Variants in THEMIS observed in about 807,000 individuals in gnomAD.
The protein encoded by THEMIS is thymocyte selection associated.
Under a neutral mutation model 52.6 loss-of-function variants are expected in THEMIS, and 37 were observed. The ratio of observed to expected loss-of-function variants is 0.70; its 90% CI spans 0.54 to 0.93. The LOEUF is 0.93. Among genes scored for constraint, THEMIS ranks in the 40% least tolerant of loss-of-function variants. The pLI is 0.00. For missense variants in THEMIS, 808 were observed against 763.1 expected (o/e 1.06, Z -0.69); for synonymous variants, 292 against 272.7 (o/e 1.07, Z -0.70).
chr6:127,778,016 A>G (rs748154979), intron 4 of THEMIS, among the ~76,000 whole-genome samples: 10 of 152,158 alleles, frequency 6.6e-5, no homozygotes, highest in Admixed American at 2.0e-4. Context: ...ACATTGACAA[A>G]TGTACAAATG....
At chr6:127,846,831 AC>A (rs1296328231) in intron 2 of THEMIS, among the ~76,000 whole-genome samples, 1 of 151,692 alleles carries the variant, frequency 6.6e-6, no homozygotes, top group Non-Finnish European at 1.5e-5. Context: ...AAAGGCCTTA[AC>A]AAAAAAAAAG....
chr6:127,742,457 T>A lies in THEMIS; in HGVS notation c.1759-22634A>T, dbSNP rs181606746. Among the ~76,000 whole-genome samples, 3 of 152,244 alleles carry A rather than the reference T, an allele frequency of 2.0e-5. 1 individual carries two copies. Among genetic ancestry groups the A allele is most frequent in the East Asian group, 3.9e-4 (2 of 5,190 alleles). On this transcript the variant is annotated intron_variant, in intron 4 of 5. Transcript: ENST00000368248. ...ACCTAAAAGCAGAGACTCTAACAGA[T>A]ATTTGTAACTAATGTTCACAGTAGT...
rs766682535 is a variant in THEMIS, at chr6:127,813,423, T to G, written c.1218A>C (p.Lys406Asn). The stretch of plus-strand genomic sequence containing the variant: ...TTTCACAGGCCAGAACATTCACCAC[T>G]TTTTTTATTCCCTCACAGAGGACTT... ...TTEVLCEGIK[K>N]VVNVLACEKI... is the part of the protein sequence containing the mutation. The change falls in exon 4 of 6, where the codon AAA becomes AAC. Residue 406 changes from lysine to asparagine, a missense_variant. Lys to Asn is a moderately conservative substitution (Grantham distance 94). Coordinates refer to ENST00000368248, the MANE Select transcript of THEMIS (RefSeq NM_001010923.3). The G allele has an allele frequency of 6.2e-7, 1 of 1,613,758 alleles. No homozygotes were observed. The highest frequency in any genetic ancestry group is 1.3e-5 in the African/African-American group (1 of 74,990).
At chr6:127,699,462 T>C in the THEMIS span, among the ~76,000 whole-genome samples, 1 of 149,650 alleles carries the variant, frequency 6.7e-6, no homozygotes, top group Non-Finnish European at 1.5e-5. Context: ...ACATTGTACA[T>C]ACTAGATGAT....
At chr6:127,907,193 G>A (rs1470425312) in intron 1 of THEMIS, among the ~76,000 whole-genome samples, 2 of 151,794 alleles carry the variant, frequency 1.3e-5, no homozygotes, top group African/African-American at 4.8e-5. Flanking sequence ...GAAAAAATTA[G>A]GCTTATAGGA....
At chr6:127,793,699 C>G (rs1030796386) in intron 4 of THEMIS, among the ~76,000 whole-genome samples, 1 of 152,134 alleles carries the variant, frequency 6.6e-6, no homozygotes, top group Admixed American at 6.5e-5. Context: ...AGGAACTCAA[C>G]TGAATTTTTT....
At chr6:127,698,378 C>T in the THEMIS span, among the ~76,000 whole-genome samples, 2 of 152,044 alleles carry the variant, frequency 1.3e-5, no homozygotes, top group Non-Finnish European at 2.9e-5. Flanking sequence ...GAATGTTGGT[C>T]CATACAGCTG....
chr6:127,900,280 T>C (rs1030199322), intron 1 of THEMIS, among the ~76,000 whole-genome samples: 2 of 151,968 alleles, frequency 1.3e-5, no homozygotes, highest in Non-Finnish European at 2.9e-5. Flanking sequence ...AGTTTCAACA[T>C]CAATTTTTAA....
intron 2 of THEMIS, among the ~76,000 whole-genome samples, chr6:127,833,082 C>T (rs1020320197): frequency 6.6e-6 from 1 of 151,700 alleles, no homozygotes; most frequent in East Asian, 1.9e-4. Context: ...TCACACCTGG[C>T]CTGTTAGTTC....
At chr6:127,818,372 T>C (rs978963075) in intron 3 of THEMIS, among the ~76,000 whole-genome samples, 1 of 152,024 alleles carries the variant, frequency 6.6e-6, no homozygotes, top group Non-Finnish European at 1.5e-5. Flanking sequence ...ACTCAAAGAA[T>C]GGCATTTAAG....
chr6:127,772,058 C>T lies in THEMIS; in HGVS notation c.1758+40825G>A, dbSNP rs541378993. On this transcript the variant is annotated intron_variant, in intron 4 of 5. Transcript: ENST00000368248. ...TCAGTATATTTAAATCTGTCTCTGC[C>T]GCATTCTTCTAAAATGCTTTATAGT... Among the ~76,000 whole-genome samples, 167 of 152,044 alleles carry T rather than the reference C, an allele frequency of 1.1e-3. 5 individuals are homozygous for T. In the South Asian group the frequency reaches 0.033, roughly 30 times the overall value.
At chr6:127,711,528 G>T (rs1014592221) in intron 5 of THEMIS, among the ~76,000 whole-genome samples, 2 of 151,894 alleles carry the variant, frequency 1.3e-5, no homozygotes, top group Admixed American at 6.6e-5. Flanking sequence ...ATGGTGAAGA[G>T]AACCTGGATT....
chr6:127,886,551 C>A (rs1780650665), intron 1 of THEMIS, among the ~76,000 whole-genome samples: 1 of 152,066 alleles, frequency 6.6e-6, no homozygotes, highest in Non-Finnish European at 1.5e-5. Flanking sequence ...ACTTGGGGTC[C>A]TGGACCACAC....
chr6:127,898,315 C>G (rs1781034070), intron 1 of THEMIS, among the ~76,000 whole-genome samples: 3 of 151,494 alleles, frequency 2.0e-5, no homozygotes, highest in Admixed American at 2.0e-4. Context: ...ACACTACATT[C>G]TTTCTTAAAA....
At chr6:127,842,985 G>C (rs1233617775) in intron 2 of THEMIS, among the ~76,000 whole-genome samples, 1 of 151,940 alleles carries the variant, frequency 6.6e-6, no homozygotes, top group Admixed American at 6.6e-5. Flanking sequence ...CTACTTAAGA[G>C]TTTCCTGACA....
At chr6:127,894,256 G>A (rs919193636) in intron 1 of THEMIS, among the ~76,000 whole-genome samples, 1 of 151,928 alleles carries the variant, frequency 6.6e-6, no homozygotes, top group African/African-American at 2.4e-5. Flanking sequence ...CACACAGGAA[G>A]CATTTCCAAA....
At chr6:127,917,303 T>A (rs1781547027) in intron 1 of THEMIS, among the ~76,000 whole-genome samples, 1 of 152,204 alleles carries the variant, frequency 6.6e-6, no homozygotes, top group East Asian at 1.9e-4. Flanking sequence ...AGGCAATAGA[T>A]GCTTCTAGTA....
At chr6:127,741,774 T>C (rs1490022047) in intron 4 of THEMIS, among the ~76,000 whole-genome samples, 1 of 152,194 alleles carries the variant, frequency 6.6e-6, no homozygotes, top group Non-Finnish European at 1.5e-5. Context: ...GGGTCAAGGT[T>C]ACATGAGGCT....
chr6:127,894,203 A>G (rs911886687), intron 1 of THEMIS, among the ~76,000 whole-genome samples: 6 of 152,114 alleles, frequency 3.9e-5, no homozygotes, highest in Non-Finnish European at 7.4e-5. Flanking sequence ...TTGGCATATA[A>G]AGAGAGGTGT....
Sources: gnomAD v4.1 joint callset for allele counts (sites outside exome capture counted in the v4.1 genomes callset) on GRCh38, gnomAD v4.1.1 for gene constraint, MANE v1.5 for transcripts, NCBI Gene and HGNC (gene_info 2026-07-23, HGNC 2026-07-21) for gene names.